Variants in ACTR1A observed in about 807,000 individuals in gnomAD.
ACTR1A encodes alpha-centractin.
ACTR1A carries 10 observed loss-of-function variants against 50.7 expected under a neutral mutation model. That is an observed-to-expected ratio of 0.20 (90% CI 0.12 to 0.33). The LOEUF (loss-of-function observed/expected upper bound fraction) is 0.33, where lower values mean the gene tolerates loss of function less well. ACTR1A is among the 10% of genes least tolerant of loss of function. The pLI is 1.00. For synonymous variants in ACTR1A, 177 were observed against 184.2 expected (o/e 0.96, Z 0.32); for missense variants, 253 against 491.7 (o/e 0.51, Z 4.59).
intron 1 of ACTR1A, among the ~76,000 whole-genome samples, chr10:102,493,001 C>CAAAAAAAAAAAAAAAAAAA (rs398014648): frequency 0.011 from 543 of 48,878 alleles, 71 homozygotes; most frequent in Non-Finnish European, 0.014. Flanking sequence ...GACTCCACCT[C>CAAAAAAAAAAAAAAAAAAA]AAAAAAAAAA....
intron 4 of ACTR1A, among the ~76,000 whole-genome samples, chr10:102,486,012 T>G (rs2062166550): frequency 6.6e-6 from 1 of 152,192 alleles, no homozygotes; most frequent in Non-Finnish European, 1.5e-5. Context: ...CTGTGTCTAC[T>G]GTGTATCTCC....
In ACTR1A at chr10:102,483,101, T is replaced by G; in HGVS notation, c.660A>C (p.Arg220Ser). 4 of 1,612,884 alleles carry G rather than the reference T, an allele frequency of 2.5e-6. No individual in the cohort carries two copies. The highest frequency in any genetic ancestry group is 3.4e-6 in the Non-Finnish European group (4 of 1,178,870). Reference sequence around the variant, plus strand: ...GGGGGTTTATGGATAGGTAACAGGCTCTCTGCAGATCCAAGCAAGACAGTC... The same window carrying G: ...GGGGGTTTATGGATAGGTAACAGGCGCTCTGCAGATCCAAGCAAGACAGTC... ...EFEIVKAIKE[R>S]ACYLSINPQK... The change falls in exon 7 of 11, where the codon AGA (arginine) becomes AGC (serine). Residue 220 changes from arginine to serine, a missense_variant and splice_region_variant. By Grantham distance (110) the Arg-to-Ser change is moderately radical. This residue lies in a region of ACTR1A where 116 missense variants were observed against 155.9 expected (regional missense o/e 0.74). Coordinates refer to ENST00000369905, the MANE Select transcript of ACTR1A (RefSeq NM_005736.4).
rs1564647819 is a variant in ACTR1A at position 102,482,820 on chromosome 10, A to G, written c.750+191T>C. On this transcript the variant is annotated intron_variant, in intron 7 of 10. Coordinates refer to ENST00000369905, the MANE Select transcript of ACTR1A (RefSeq NM_005736.4). The surrounding 1 kb of genome is among the most constrained non-coding windows in gnomAD (Gnocchi z 5.6). Reference sequence around the variant, plus strand: ...CAAAAGAATCTCATAATGTTTTAAGAAAGTTTACGACTTTGTGTTGGGCCT... The same window carrying G: ...CAAAAGAATCTCATAATGTTTTAAGGAAGTTTACGACTTTGTGTTGGGCCT... 1 of 592,376 alleles carries G rather than the reference A, an allele frequency of 1.7e-6. No individual in the cohort carries two copies. The highest frequency in any genetic ancestry group is 3.0e-6 in the Non-Finnish European group (1 of 332,604). The allele number at this position is 592,376 out of a possible 1,614,324, so 36.7% of individuals were successfully genotyped here.
chr10:102,482,310 CA>C lies in ACTR1A; in HGVS notation c.751-136del. On this transcript the variant is annotated intron_variant, in intron 7 of 10. Transcript: ENST00000369905. This position sits in a 1 kb window ranked among gnomAD's most constrained non-coding sequence, Gnocchi z 5.6. ...AAGGCCAGGCTCAAGACAGACTCTACATGTCAAGGGCTTAAAGGAACAAAGA... is the reference window on the plus strand; with the variant it reads ...AAGGCCAGGCTCAAGACAGACTCTACTGTCAAGGGCTTAAAGGAACAAAGA... 1 of 789,876 alleles carries C rather than the reference CA, an allele frequency of 1.3e-6. No individual in the cohort carries two copies. The highest frequency in any genetic ancestry group is 2.0e-6 in the Non-Finnish European group (1 of 488,918). 48.9% of individuals were successfully genotyped at this position (789,876 alleles called of 1,614,324 possible).
At chr10:102,480,992 G>A (rs746738116) in intron 10 of ACTR1A, 27 bp from the exon 11 acceptor site, 1 of 1,594,678 alleles carries the variant, frequency 6.3e-7, no homozygotes, top group Non-Finnish European at 8.6e-7. Flanking sequence ...CAGAGGAACT[G>A]TGTGAGAGAG....
At chr10:102,481,567 A>G (rs1231619315) in intron 9 of ACTR1A, among the ~76,000 whole-genome samples, 1 of 152,160 alleles carries the variant, frequency 6.6e-6, no homozygotes, top group Admixed American at 6.5e-5. Context: ...AGTTTCCCTG[A>G]AAGATCACGC....
At chr10:102,499,983 C>CTG (rs1392007677) in intron 1 of ACTR1A, among the ~76,000 whole-genome samples, 3 of 152,048 alleles carry the variant, frequency 2.0e-5, no homozygotes. Flanking sequence ...CCTAGGTATA[C>CTG]TGTGTGTGTG....
chr10:102,482,008 C>G lies in ACTR1A; in HGVS notation c.918G>C (p.Leu306=). Residue 306 remains leucine, a synonymous_variant, in exon 8 of 11, where the codon CTG becomes CTC. Coordinates refer to ENST00000369905, the MANE Select transcript of ACTR1A (RefSeq NM_005736.4). This position sits in a 1 kb window ranked among gnomAD's most constrained non-coding sequence, Gnocchi z 5.6. ...SNIVLSGGST[L]FKGFGDRLLS... ...CCAAGAGAAGAGACAAACCTTTGAACAGGGTAGAGCCTCCTGAGAGGACAA... is the reference window on the plus strand; with the variant it reads ...CCAAGAGAAGAGACAAACCTTTGAAGAGGGTAGAGCCTCCTGAGAGGACAA... 1 of 1,614,176 alleles carries G rather than the reference C, an allele frequency of 6.2e-7. No individual in the cohort carries two copies.
intron 1 of ACTR1A, among the ~76,000 whole-genome samples, chr10:102,501,314 AG>A (rs2062250301): frequency 6.6e-6 from 1 of 152,228 alleles, no homozygotes; most frequent in African/African-American, 2.4e-5. Context: ...CACTGGGGAT[AG>A]TAATTCCTAT....
chr10:102,486,422 G>C (rs1230073782), intron 4 of ACTR1A, among the ~76,000 whole-genome samples: 1 of 152,166 alleles, frequency 6.6e-6, no homozygotes, highest in African/African-American at 2.4e-5. Flanking sequence ...GGGCGTGGTG[G>C]CTCACACCTG....
chr10:102,498,312 ATCTC>A (rs201677071), intron 1 of ACTR1A, among the ~76,000 whole-genome samples: 17 of 149,804 alleles, frequency 1.1e-4, no homozygotes, highest in African/African-American at 1.7e-4. Context: ...TGTTTAAAGT[ATCTC>A]TCTCTCTCTT....
chr10:102,497,777 G>A (rs1022977672), intron 1 of ACTR1A, among the ~76,000 whole-genome samples: 10 of 151,812 alleles, frequency 6.6e-5, no homozygotes, highest in South Asian at 4.2e-4. Context: ...GTTGTTTTGC[G>A]GATTATTTGT....
chr10:102,494,968 G>A (rs985872510), intron 1 of ACTR1A, among the ~76,000 whole-genome samples: 28 of 151,846 alleles, frequency 1.8e-4, no homozygotes, highest in African/African-American at 1.7e-4. Context: ...GCGCCACCAC[G>A]CCCGGCTAAT....
intron 4 of ACTR1A, among the ~76,000 whole-genome samples, chr10:102,486,153 C>T (rs2135581882): frequency 6.6e-6 from 1 of 152,306 alleles, no homozygotes; most frequent in East Asian, 1.9e-4. Flanking sequence ...CTGAGCTCCA[C>T]CTCCCATCAG....
chr10:102,492,069 CTTTTTTTTT>C (rs71016386), intron 1 of ACTR1A, among the ~76,000 whole-genome samples: 5 of 92,342 alleles, frequency 5.4e-5, no homozygotes, highest in African/African-American at 1.8e-4. Flanking sequence ...CGTGCCCGGC[CTTTTTTTTT>C]TTTTTTTTTT....
Position 102,488,052 on chromosome 10 carries a change from T to C in ACTR1A, c.315+98A>G, listed in dbSNP as rs2062177476. 4 of 1,440,842 alleles carry C rather than the reference T, an allele frequency of 2.8e-6. No individual in the cohort carries two copies. Among genetic ancestry groups the C allele is most frequent in the Non-Finnish European group, 3.8e-6 (4 of 1,044,944 alleles). 89.3% of individuals were successfully genotyped at this position (1,440,842 alleles called of 1,614,324 possible). ...CCTGAAAATCAAATGGCTCCAGCACTCTTGGCAGTGATCATCGTCCTCCTC... is the reference window on the plus strand; with the variant it reads ...CCTGAAAATCAAATGGCTCCAGCACCCTTGGCAGTGATCATCGTCCTCCTC... On this transcript the variant is annotated intron_variant, in intron 4 of 10. Transcript: ENST00000369905. The surrounding 1 kb of genome is among the most constrained non-coding windows in gnomAD (Gnocchi z 4.4).
chr10:102,497,171 G>GATAA (rs1360158998), intron 1 of ACTR1A, among the ~76,000 whole-genome samples: 3 of 69,770 alleles, frequency 4.3e-5, no homozygotes. Flanking sequence ...TCCATCTCAG[G>GATAA]AAAAAAAAAA....
In ACTR1A at chr10:102,489,116, G is replaced by A. The variant is rs758983075; in HGVS notation, c.136C>T (p.Arg46Cys). The change falls in exon 3 of 11, where the codon CGT becomes TGT. Residue 46 changes from arginine to cysteine, a missense_variant. Arg to Cys is a radical substitution (Grantham distance 180). Coordinates refer to ENST00000369905, the MANE Select transcript of ACTR1A (RefSeq NM_005736.4). ...CCTTCAAGGGCTCCTGCCATGACAC[G>A]AACGTGCTTGGGTCGGCCCACACTA... ...PNYVGRPKHV[R>C]VMAGALEGDI... 5 of 1,589,122 alleles carry A rather than the reference G, an allele frequency of 3.1e-6. No homozygotes were observed. Among genetic ancestry groups the A allele is most frequent in the Admixed American group, 1.8e-5 (1 of 56,600 alleles).
Position 102,482,226 on chromosome 10 carries a change from T to C in ACTR1A, c.751-51A>G, listed in dbSNP as rs12763720. On this transcript the variant is annotated intron_variant, in intron 7 of 10. Transcript: ENST00000369905. The surrounding 1 kb of genome is among the most constrained non-coding windows in gnomAD (Gnocchi z 5.6). Reference sequence around the variant, plus strand: ...AGGTCGGAGCTGGGACCAAGGTCCCTTTGGGAGTGGGAATGGAAGACGCCC... The same window carrying C: ...AGGTCGGAGCTGGGACCAAGGTCCCCTTGGGAGTGGGAATGGAAGACGCCC... 326,607 of 1,580,382 alleles carry C rather than the reference T, an allele frequency of 0.21. 36,246 individuals are homozygous for C. The highest frequency in any genetic ancestry group is 0.28 in the Middle Eastern group (1,654 of 5,990).
Sources: allele counts gnomAD v4.1 joint callset (sites outside exome capture counted in the v4.1 genomes callset), GRCh38; gene constraint gnomAD v4.1.1; regional missense constraint gnomAD v4.1.1; non-coding constraint Gnocchi (gnomAD v3.1); transcripts MANE v1.5; gene names NCBI Gene and HGNC (gene_info 2026-07-23, HGNC 2026-07-21).